The following PABPC4L variants were observed in gnomAD, a reference collection of about 807,000 sequenced individuals.
PABPC4L encodes the protein polyadenylate-binding protein 4-like.
For missense variants in PABPC4L, 452 were observed against 451.4 expected, an observed-to-expected ratio of 1.00 and a Z score of -0.01; for synonymous variants, 169 against 164.1, an observed-to-expected ratio of 1.03 and a Z score of -0.23.
At chr4:134,033,203 C>A in the PABPC4L span, among the ~76,000 whole-genome samples, 2 of 151,652 alleles carry the variant, frequency 1.3e-5, no homozygotes, top group Admixed American at 1.3e-4. Context: ...CTTGGTATTA[C>A]AATTGTAACT....
the PABPC4L span, among the ~76,000 whole-genome samples, chr4:134,115,928 T>C: frequency 6.6e-6 from 1 of 151,752 alleles, no homozygotes; most frequent in Non-Finnish European, 1.5e-5. Flanking sequence ...TAAATATTAT[T>C]TGTATAAAAG....
At chr4:134,068,096 T>C in the PABPC4L span, among the ~76,000 whole-genome samples, 2 of 152,132 alleles carry the variant, frequency 1.3e-5, no homozygotes, top group Non-Finnish European at 2.9e-5. Context: ...GTTTTGATGA[T>C]CTTTCTAATA....
chr4:134,168,844 T>C, the PABPC4L span, among the ~76,000 whole-genome samples: 1 of 152,004 alleles, frequency 6.6e-6, no homozygotes, highest in South Asian at 2.1e-4. Flanking sequence ...CACTAAAAGA[T>C]GAAATAAAAT....
At chr4:134,079,247 G>A in the PABPC4L span, among the ~76,000 whole-genome samples, 1,030 of 151,100 alleles carry the variant, frequency 6.8e-3, 8 homozygotes, top group Middle Eastern at 0.01. Flanking sequence ...TGGGATTACA[G>A]GCTTGAGCCA....
the PABPC4L span, among the ~76,000 whole-genome samples, chr4:134,015,641 G>T: frequency 6.6e-6 from 1 of 152,076 alleles, no homozygotes; most frequent in Non-Finnish European, 1.5e-5. Flanking sequence ...CCTGCTGAGC[G>T]TGTCTGACTA....
chr4:134,093,295 A>G, the PABPC4L span, among the ~76,000 whole-genome samples: 4 of 151,162 alleles, frequency 2.6e-5, no homozygotes, highest in East Asian at 7.8e-4. Flanking sequence ...ATTCATTTTC[A>G]TTCTTTCATT....
chr4:134,149,380 G>T, the PABPC4L span, among the ~76,000 whole-genome samples: 8 of 152,138 alleles, frequency 5.3e-5, no homozygotes, highest in African/African-American at 1.9e-4. Flanking sequence ...GGACTTTGAG[G>T]CTGGGGTTGA....
the PABPC4L span, among the ~76,000 whole-genome samples, chr4:134,094,837 G>A: frequency 1.3e-4 from 20 of 151,698 alleles, no homozygotes; most frequent in East Asian, 3.7e-3. Context: ...TTAGAAAAAT[G>A]TGAAATATAA....
At chr4:134,080,156 C>A in the PABPC4L span, among the ~76,000 whole-genome samples, 2 of 151,850 alleles carry the variant, frequency 1.3e-5, no homozygotes, top group African/African-American at 4.8e-5. Flanking sequence ...GGAAAAATAT[C>A]TTTGTCCTTA....
At chr4:134,068,784 C>G in the PABPC4L span, among the ~76,000 whole-genome samples, 1 of 151,814 alleles carries the variant, frequency 6.6e-6, no homozygotes, top group Admixed American at 6.6e-5. Flanking sequence ...TCTCGTCTCA[C>G]TGCAACCTCC....
the PABPC4L span, among the ~76,000 whole-genome samples, chr4:134,073,511 G>A: frequency 5.5e-4 from 83 of 152,116 alleles, no homozygotes; most frequent in African/African-American, 1.9e-3. Context: ...CACAGTGCAA[G>A]CTGTCAGTGG....
chr4:134,166,364 A>C, the PABPC4L span, among the ~76,000 whole-genome samples: 11 of 152,212 alleles, frequency 7.2e-5, no homozygotes, highest in Non-Finnish European at 1.5e-4. Context: ...CATAGAAATA[A>C]AAATAAAAGA....
the PABPC4L span, among the ~76,000 whole-genome samples, chr4:134,187,135 C>T: frequency 6.6e-6 from 1 of 152,016 alleles, no homozygotes; most frequent in African/African-American, 2.4e-5. Flanking sequence ...GACAGTGTGG[C>T]AATTCCTCAA....
Position 134,201,258 on chromosome 4 carries a change from A to G in PABPC4L, c.-226-13T>C. On this transcript the variant is annotated splice_polypyrimidine_tract_variant and intron_variant, in intron 1 of 1. Coordinates refer to ENST00000421491, the MANE Select transcript of PABPC4L (RefSeq NM_001114734.2). Reference sequence around the variant, plus strand: ...CGCGGCAACAGAACTGTGAAATCGCAAAGAGAGATTATTAGGACAAGACGT... The same window carrying G: ...CGCGGCAACAGAACTGTGAAATCGCGAAGAGAGATTATTAGGACAAGACGT... The G allele has an allele frequency of 6.6e-7, 1 of 1,509,846 alleles. No individual in the cohort carries two copies. Among genetic ancestry groups the G allele is most frequent in the Non-Finnish European group, 8.9e-7 (1 of 1,124,418 alleles). 93.5% of individuals were successfully genotyped at this position (1,509,846 alleles called of 1,614,324 possible). A position where few individuals can be genotyped will look rare whatever the true frequency, so the allele number is the denominator to read the frequency against.
chr4:133,972,259 A>C, the PABPC4L span, among the ~76,000 whole-genome samples: 2 of 152,206 alleles, frequency 1.3e-5, no homozygotes, highest in Non-Finnish European at 2.9e-5. Context: ...GTTAGGGGTG[A>C]TTAAAGCAAA....
At chr4:133,953,234 G>A in the PABPC4L span, among the ~76,000 whole-genome samples, 1 of 151,956 alleles carries the variant, frequency 6.6e-6, no homozygotes, top group Non-Finnish European at 1.5e-5. Context: ...TTTCCCTCCT[G>A]TCTCTTTTCT....
the PABPC4L span, among the ~76,000 whole-genome samples, chr4:134,087,165 G>C: frequency 1.3e-5 from 2 of 151,978 alleles, no homozygotes; most frequent in African/African-American, 4.8e-5. Context: ...CAGTAGCAAA[G>C]ACTTGGAACC....
the PABPC4L span, among the ~76,000 whole-genome samples, chr4:134,095,265 C>T: frequency 6.6e-6 from 1 of 151,738 alleles, no homozygotes; most frequent in African/African-American, 2.4e-5. Context: ...GACAACAATT[C>T]TCTGTTATCT....
chr4:134,018,022 C>T, the PABPC4L span, among the ~76,000 whole-genome samples: 1 of 152,116 alleles, frequency 6.6e-6, no homozygotes, highest in African/African-American at 2.4e-5. Flanking sequence ...CTGTGACCTG[C>T]ACGTACACAT....
Sources: allele counts gnomAD v4.1 joint callset (sites outside exome capture counted in the v4.1 genomes callset), GRCh38; gene constraint gnomAD v4.1.1; transcripts MANE v1.5; gene names NCBI Gene and HGNC (gene_info 2026-07-23, HGNC 2026-07-21).